The following RIN3 variants were observed in gnomAD, a reference collection of about 807,000 sequenced individuals.
The protein encoded by RIN3 is Ras and Rab interactor 3.
Under a neutral mutation model 76.3 loss-of-function variants are expected in RIN3, and 54 were observed. That is an observed-to-expected ratio of 0.71 (90% CI 0.57 to 0.89). RIN3 has a LOEUF of 0.89. Ranked by LOEUF, RIN3 falls within the 40% of genes least tolerant of loss-of-function variation. The probability of loss-of-function intolerance (pLI) is 0.00; values close to 1 mark genes in which losing one functional copy is unlikely to be tolerated. For missense variants in RIN3, 1,256 were observed against 1,322.1 expected (o/e 0.95, Z 0.78); for synonymous variants, 576 against 564.0 (o/e 1.02, Z -0.30).
chr14:92,520,465 G>T (rs1367937971), intron 1 of RIN3, among the ~76,000 whole-genome samples: 1 of 152,222 alleles, frequency 6.6e-6, no homozygotes, highest in Non-Finnish European at 1.5e-5. Flanking sequence ...CCTCCATTTT[G>T]CTACTGACTC....
intron 3 of RIN3, among the ~76,000 whole-genome samples, chr14:92,591,546 A>G (rs1279582518): frequency 6.6e-6 from 1 of 152,184 alleles, no homozygotes; most frequent in African/African-American, 2.4e-5. Context: ...CCATTTTCAA[A>G]CTACAGAAAT....
intron 1 of RIN3, among the ~76,000 whole-genome samples, chr14:92,542,287 C>CA (rs56230443): frequency 9.2e-4 from 134 of 145,820 alleles, no homozygotes; most frequent in Middle Eastern, 3.5e-3. Context: ...GACCCTGTCT[C>CA]AAAAAAAAAA....
chr14:92,685,204 CTGCTGCCTGCT>C lies in RIN3; in HGVS notation c.2631+55_2631+65del. ...TGGGGCCATGTCCCAGACACCATCC[CTGCTGCCTGCT>C]GGCTAAGGAGCCGTGACATCACCTG... is the stretch of plus-strand genomic sequence containing the variant. On this transcript the variant is annotated intron_variant, in intron 9 of 9. Coordinates refer to ENST00000216487, the MANE Select transcript of RIN3 (RefSeq NM_024832.5). This position sits in a 1 kb window ranked among gnomAD's most constrained non-coding sequence, Gnocchi z 4.7. 1 of 1,505,456 alleles carries C rather than the reference CTGCTGCCTGCT, an allele frequency of 6.6e-7. No homozygotes were observed. Among genetic ancestry groups the C allele is most frequent in the Non-Finnish European group, 9.0e-7 (1 of 1,115,784 alleles). The allele number at this position is 1,505,456 out of a possible 1,614,324, so 93.3% of individuals were successfully genotyped here. A position where few individuals can be genotyped will look rare whatever the true frequency, so the allele number is the denominator to read the frequency against.
At chr14:92,610,122 A>G (rs1328964272) in intron 3 of RIN3, among the ~76,000 whole-genome samples, 2 of 152,322 alleles carry the variant, frequency 1.3e-5, no homozygotes, top group South Asian at 2.1e-4. Context: ...TTGTGCAACC[A>G]TCATCACAGT....
intron 2 of RIN3, among the ~76,000 whole-genome samples, chr14:92,573,503 G>GA (rs386382179): frequency 0.037 from 6 of 164 alleles, no homozygotes; most frequent in African/African-American, 0.065. Flanking sequence ...GGGGGCCGAA[G>GA]TTCCAACCCT....
At chr14:92,558,515 G>A (rs1338204389) in intron 2 of RIN3, among the ~76,000 whole-genome samples, 1 of 152,174 alleles carries the variant, frequency 6.6e-6, no homozygotes, top group South Asian at 2.1e-4. Flanking sequence ...TAATGAAACC[G>A]AGGCTAAGAG....
At chr14:92,632,409 C>G (rs978403903) in intron 4 of RIN3, among the ~76,000 whole-genome samples, 2 of 152,184 alleles carry the variant, frequency 1.3e-5, no homozygotes, top group Non-Finnish European at 2.9e-5. Context: ...GAAGGTATTA[C>G]CGCTTCAGTG....
chr14:92,651,180 G>C (rs1489987420), intron 5 of RIN3, among the ~76,000 whole-genome samples: 1 of 152,140 alleles, frequency 6.6e-6, no homozygotes, highest in Non-Finnish European at 1.5e-5. Flanking sequence ...CACCCAGCTG[G>C]TTGGCCGCAG....
intron 9 of RIN3, chr14:92,686,679 G>C (rs1014470572): frequency 2.6e-5 from 4 of 152,398 alleles, no homozygotes; most frequent in African/African-American, 9.6e-5. Flanking sequence ...GGAGACGGAA[G>C]CTTCGGAGGG....
chr14:92,562,341 C>CT (rs1253379367), intron 2 of RIN3, among the ~76,000 whole-genome samples: 1 of 152,200 alleles, frequency 6.6e-6, no homozygotes, highest in Non-Finnish European at 1.5e-5. Context: ...CAAAGTCACT[C>CT]TTTCCCCCAC....
At chr14:92,574,120 AAGAAATGAGGT>A (rs1898144689) in intron 2 of RIN3, among the ~76,000 whole-genome samples, 1 of 152,236 alleles carries the variant, frequency 6.6e-6, no homozygotes, top group Admixed American at 6.5e-5. Flanking sequence ...ACGGACACAC[AAGAAATGAGGT>A]TAAGAGTGGA....
At chr14:92,546,298 C>G (rs1265296683) in intron 1 of RIN3, among the ~76,000 whole-genome samples, 1 of 152,142 alleles carries the variant, frequency 6.6e-6, no homozygotes, top group South Asian at 2.1e-4. Flanking sequence ...CTGACACATT[C>G]ATGTAATGTA....
At chr14:92,581,514 A>G (rs1898436230) in intron 3 of RIN3, among the ~76,000 whole-genome samples, 1 of 152,156 alleles carries the variant, frequency 6.6e-6, no homozygotes, top group Admixed American at 6.5e-5. Context: ...GCCAGGGTGG[A>G]CAGGAAGGCT....
intron 1 of RIN3, chr14:92,515,322 C>T (rs550418911): frequency 1.6e-5 from 11 of 689,800 alleles, no homozygotes; most frequent in Admixed American, 1.2e-4. Flanking sequence ...AGGGTGAAGC[C>T]GGAGAGGAGT....
chr14:92,541,899 A>G (rs1044339228), intron 1 of RIN3, among the ~76,000 whole-genome samples: 1 of 152,256 alleles, frequency 6.6e-6, no homozygotes, highest in Non-Finnish European at 1.5e-5. Context: ...AGGGGCTTAT[A>G]TCCAGAATAT....
chr14:92,533,190 A>G (rs1468378335), intron 1 of RIN3, among the ~76,000 whole-genome samples: 1 of 152,270 alleles, frequency 6.6e-6, no homozygotes, highest in Non-Finnish European at 1.5e-5. Flanking sequence ...AAACTTTAGA[A>G]AAGTCTAGAT....
intron 6 of RIN3, among the ~76,000 whole-genome samples, chr14:92,653,369 C>T (rs1887546101): frequency 6.6e-6 from 1 of 152,228 alleles, no homozygotes; most frequent in Non-Finnish European, 1.5e-5. Flanking sequence ...GGGACAAAGA[C>T]TGGCCCCTTC....
intron 4 of RIN3, among the ~76,000 whole-genome samples, chr14:92,624,592 T>C (rs1595464038): frequency 6.6e-6 from 1 of 152,068 alleles, no homozygotes; most frequent in Admixed American, 6.5e-5. Flanking sequence ...AAGCATCTGC[T>C]TCGGAGGGGC....
chr14:92,663,802 T>C (rs1412723965), intron 7 of RIN3, among the ~76,000 whole-genome samples: 1 of 152,208 alleles, frequency 6.6e-6, no homozygotes, highest in Non-Finnish European at 1.5e-5. Flanking sequence ...GCTATAGCCT[T>C]GGACATTAAT....
Sources: allele counts gnomAD v4.1 joint callset (sites outside exome capture counted in the v4.1 genomes callset), GRCh38; gene constraint gnomAD v4.1.1; non-coding constraint Gnocchi (gnomAD v3.1); transcripts MANE v1.5; gene names NCBI Gene and HGNC (gene_info 2026-07-23, HGNC 2026-07-21).